Variants in FAM178B observed in about 807,000 individuals in gnomAD.
FAM178B encodes protein FAM178B.
In FAM178B, 82 loss-of-function variants were observed where a neutral mutation model predicts 91.7. That is an observed-to-expected ratio of 0.89 (90% confidence interval 0.75 to 1.07). The LOEUF is 1.07. FAM178B is among the 50% of genes least tolerant of loss of function. The pLI is 0.00. For missense variants in FAM178B, 769 were observed against 846.7 expected (o/e 0.91, Z 1.14); for synonymous variants, 368 against 359.4 (o/e 1.02, Z -0.27).
chr2:96,973,798 G>A (rs776295842), intron 1 of FAM178B, among the ~76,000 whole-genome samples: 2 of 151,390 alleles, frequency 1.3e-5, no homozygotes, highest in Non-Finnish European at 2.9e-5. Context: ...GTCAGAGTTC[G>A]AGACCAGCCT....
At chr2:96,884,144 C>T (rs977607285) in intron 14 of FAM178B, among the ~76,000 whole-genome samples, 2 of 152,140 alleles carry the variant, frequency 1.3e-5, no homozygotes, top group Non-Finnish European at 2.9e-5. Flanking sequence ...GCATCCTGAT[C>T]CAGTAGCGCA....
At chr2:96,891,615 T>C (rs1185560827) in intron 14 of FAM178B, among the ~76,000 whole-genome samples, 3 of 152,192 alleles carry the variant, frequency 2.0e-5, no homozygotes, top group Non-Finnish European at 2.9e-5. Context: ...GGGACAACTT[T>C]ACTTGCCAAG....
chr2:96,914,057 G>A (rs1432761311), intron 12 of FAM178B, among the ~76,000 whole-genome samples: 13 of 152,248 alleles, frequency 8.5e-5, no homozygotes. Flanking sequence ...TATTTACTCA[G>A]CACCCGTGAT....
intron 12 of FAM178B, among the ~76,000 whole-genome samples, chr2:96,917,648 G>A (rs1371097427): frequency 6.6e-6 from 1 of 152,170 alleles, no homozygotes; most frequent in African/African-American, 2.4e-5. Context: ...TTCAGCCCAG[G>A]GATTTGAGAT....
At chr2:96,945,354 C>T (rs1298351659) in intron 8 of FAM178B, among the ~76,000 whole-genome samples, 2 of 137,528 alleles carry the variant, frequency 1.5e-5, no homozygotes, top group African/African-American at 5.8e-5. Flanking sequence ...ATAGTCAATG[C>T]TCTTAAGTCC....
At chr2:96,947,353 T>C (rs898437616) in intron 8 of FAM178B, among the ~76,000 whole-genome samples, 4 of 152,180 alleles carry the variant, frequency 2.6e-5, no homozygotes, top group Non-Finnish European at 4.4e-5. Context: ...GGATGTCCTA[T>C]CAGCCAAAGA....
intron 6 of FAM178B, among the ~76,000 whole-genome samples, chr2:96,958,227 G>A (rs1009997619): frequency 2.0e-5 from 3 of 151,918 alleles, no homozygotes; most frequent in South Asian, 2.1e-4. Flanking sequence ...CCGCTACCAC[G>A]CCCAGCTAAT....
At position 96,968,793 on chromosome 2, in the gene FAM178B, T is replaced by C. The variant is rs114750303; in HGVS notation, c.627-1166A>G. Among the ~76,000 whole-genome samples, 535 of 152,238 alleles carry C rather than the reference T, an allele frequency of 3.5e-3. 3 individuals are homozygous for C. The highest frequency in any genetic ancestry group is 0.025 in the East Asian group (130 of 5,174). Reference sequence around the variant, plus strand: ...GCAGTTTCTTAAACAAGAGAAAACATATCTCTGCCTGCTTCAGTTTCTCCC... The same window carrying C: ...GCAGTTTCTTAAACAAGAGAAAACACATCTCTGCCTGCTTCAGTTTCTCCC... On this transcript the variant is annotated intron_variant, in intron 4 of 16. Coordinates refer to ENST00000490605, the MANE Select transcript of FAM178B (RefSeq NM_001122646.3).
At chr2:96,893,890 G>A (rs200012479) in intron 14 of FAM178B, 36 bp downstream of exon 14, 393 of 1,599,630 alleles carry the variant, frequency 2.5e-4, no homozygotes, top group Middle Eastern at 3.6e-4. Context: ...TGGTGGCACC[G>A]TGGTGGAGGC....
intron 7 of FAM178B, chr2:96,950,249 G>T (rs1309800088): frequency 4.6e-6 from 4 of 867,064 alleles, no homozygotes; most frequent in Non-Finnish European, 5.5e-6. Flanking sequence ...AGGAGCAGGG[G>T]CTGCACCGCC....
At chr2:96,925,881 C>T (rs1004288157) in intron 9 of FAM178B, among the ~76,000 whole-genome samples, 1 of 152,246 alleles carries the variant, frequency 6.6e-6, no homozygotes, top group Admixed American at 6.5e-5. Context: ...AGTGTATGAG[C>T]ACCACTACCA....
chr2:96,954,025 C>T (rs868693139), intron 6 of FAM178B, among the ~76,000 whole-genome samples: 2 of 152,216 alleles, frequency 1.3e-5, no homozygotes, highest in Non-Finnish European at 2.9e-5. Flanking sequence ...GTCAGAGTCA[C>T]GTCCCCACAT....
intron 12 of FAM178B, among the ~76,000 whole-genome samples, chr2:96,910,485 T>C (rs2081133670): frequency 6.6e-6 from 1 of 152,250 alleles, no homozygotes; most frequent in Non-Finnish European, 1.5e-5. Context: ...TGTGTAGTGT[T>C]GTTCCGTCTG....
intron 13 of FAM178B, among the ~76,000 whole-genome samples, chr2:96,899,130 GCT>G (rs1486883532): frequency 6.6e-6 from 1 of 152,224 alleles, no homozygotes; most frequent in East Asian, 1.9e-4. Flanking sequence ...TGGGGAAGGA[GCT>G]CCAGGAAGGC....
chr2:96,929,089 T>C, intron 9 of FAM178B, 117 bp downstream of exon 9: 1 of 720,806 alleles, frequency 1.4e-6, no homozygotes, highest in Non-Finnish European at 2.4e-6. Context: ...GCCTGGGAGG[T>C]GGAGGCCGCA....
intron 12 of FAM178B, among the ~76,000 whole-genome samples, chr2:96,918,980 G>A (rs376641693): frequency 9.2e-5 from 14 of 152,260 alleles, no homozygotes; most frequent in Non-Finnish European, 1.6e-4. Flanking sequence ...CCTCTCACGC[G>A]GGCTCTCTTA....
intron 14 of FAM178B, among the ~76,000 whole-genome samples, chr2:96,891,495 G>C (rs1334056338): frequency 6.6e-6 from 1 of 152,224 alleles, no homozygotes; most frequent in African/African-American, 2.4e-5. Flanking sequence ...GTTCAGAGAA[G>C]GACAAAGGAA....
In FAM178B at chr2:96,877,967, G is replaced by A. The variant is rs768721670; in HGVS notation, c.1930C>T (p.His644Tyr). The change falls in exon 16 of 17, where the codon CAC (histidine) becomes TAC (tyrosine). Residue 644 changes from histidine to tyrosine, a missense_variant. His to Tyr is a moderately conservative substitution (Grantham distance 83). Coordinates refer to ENST00000490605, the MANE Select transcript of FAM178B (RefSeq NM_001122646.3). ...TQIRESPQAM[H>Y]RTMLKDLATQ... ...GCCAGGTCCTTGAGCATGGTGCGGTGCATGGCCTGGGGGCTCTCCCGGATC... is the reference window on the plus strand; with the variant it reads ...GCCAGGTCCTTGAGCATGGTGCGGTACATGGCCTGGGGGCTCTCCCGGATC... 8.7e-6 allele frequency: 14 copies of A among 1,613,742 alleles called. No homozygotes were observed. The highest frequency in any genetic ancestry group is 8.3e-5 in the Admixed American group (5 of 60,022).
At chr2:96,888,891 C>G (rs530716512) in intron 14 of FAM178B, among the ~76,000 whole-genome samples, 5 of 152,354 alleles carry the variant, frequency 3.3e-5, no homozygotes, top group South Asian at 2.1e-4. Context: ...CACACCCCCC[C>G]TCCCCGCCAA....
Sources: gnomAD v4.1 joint callset for allele counts (sites outside exome capture counted in the v4.1 genomes callset) on GRCh38, gnomAD v4.1.1 for gene constraint, MANE v1.5 for transcripts, NCBI Gene and HGNC (gene_info 2026-07-23, HGNC 2026-07-21) for gene names.